PLTP: variants seen among roughly 807,000 people sequenced by gnomAD.
The protein encoded by PLTP is phospholipid transfer protein, also known as BPI fold containing family E.
In PLTP, 43 loss-of-function variants were observed where a neutral mutation model predicts 54.1. That is an observed-to-expected ratio of 0.79 (90% confidence interval 0.62 to 1.02). PLTP has a LOEUF of 1.02. Ranked by LOEUF, PLTP falls within the 50% of genes least tolerant of loss-of-function variation. The pLI, the probability that PLTP is intolerant of heterozygous loss-of-function variation, is 0.00. For missense variants in PLTP, 604 were observed against 645.9 expected (o/e 0.94, Z 0.70); for synonymous variants, 263 against 264.6 (o/e 0.99, Z 0.06).
chr20:45,900,090 G>A (rs1316820394), intron 12 of PLTP, among the ~76,000 whole-genome samples: 1 of 129,746 alleles, frequency 7.7e-6, no homozygotes, highest in Non-Finnish European at 1.6e-5. Flanking sequence ...TTTATTTATT[G>A]AGCACCTCTT....
Position 45,907,981 on chromosome 20 carries a change from A to G in PLTP, c.486-77T>C, listed in dbSNP as rs1349083644. The G allele has an allele frequency of 5.4e-6, 7 of 1,293,874 alleles. No individual in the cohort carries two copies. The African/African-American group carries it at 5.9e-5, about 11-fold the overall frequency. The allele number at this position is 1,293,874 out of a possible 1,614,324, so 80.1% of individuals were successfully genotyped here. On this transcript the variant is annotated intron_variant, in intron 5 of 15. Transcript: ENST00000372431. ...CCAGGTCCAGGAGAAATCAGTGACT[A>G]GGGAAATAGTGGCAGTAGGAGTCCT...
intron 8 of PLTP, among the ~76,000 whole-genome samples, chr20:45,905,754 G>C (rs966380371): frequency 6.6e-6 from 1 of 152,178 alleles, no homozygotes; most frequent in Non-Finnish European, 1.5e-5. Context: ...TCTAGCTCCC[G>C]AGTCTGCACT....
In PLTP at chr20:45,899,573, G is replaced by A. The variant is rs116644260; in HGVS notation, c.1283-35C>T. The A allele has an allele frequency of 3.6e-4, 574 of 1,614,024 alleles. No individual in the cohort carries two copies. The African/African-American group carries it at 5.2e-3, about 15-fold the overall frequency. The stretch of plus-strand genomic sequence containing the variant: ...GGAGCACCCCGCTCAGTCTGGGCCC[G>A]CCCAGTTCACCCCTCCTTTCTTCCT... On this transcript the variant is annotated intron_variant, in intron 14 of 15. Transcript: ENST00000372431.
intron 12 of PLTP, among the ~76,000 whole-genome samples, chr20:45,900,672 C>T (rs900087299): frequency 2.2e-4 from 34 of 152,074 alleles, no homozygotes; most frequent in African/African-American, 7.5e-4. Flanking sequence ...GGACCACAGG[C>T]GTGCATCACT....
At chr20:45,906,176 A>G in intron 8 of PLTP, 92 bp downstream of exon 8, 1 of 847,326 alleles carries the variant, frequency 1.2e-6, no homozygotes, top group Non-Finnish European at 2.0e-6. Context: ...GCCTCATCAG[A>G]GCTGTGCTTT....
chr20:45,903,204 T>G (rs889239321), intron 10 of PLTP, among the ~76,000 whole-genome samples: 8 of 151,670 alleles, frequency 5.3e-5, no homozygotes, highest in African/African-American at 1.9e-4. Context: ...CTTTTTGCTC[T>G]CTCTCTCCTT....
At chr20:45,911,490 T>A in intron 1 of PLTP, 27 bp from the exon 2 acceptor site, 1 of 1,599,368 alleles carries the variant, frequency 6.3e-7, no homozygotes, top group South Asian at 1.1e-5. Flanking sequence ...GTCGCAGGAG[T>A]TATCTGAGCC....
At chr20:45,905,140 CAG>C (rs753243410) in intron 8 of PLTP, 22 bp from the exon 9 acceptor site, 16 of 1,612,250 alleles carry the variant, frequency 9.9e-6, no homozygotes, top group Non-Finnish European at 1.4e-5. Flanking sequence ...CATTCACAGT[CAG>C]GGTCAAGGCA....
Position 45,902,560 on chromosome 20 carries a change from G to A in PLTP, c.987C>T (p.Val329=), listed in dbSNP as rs752967608. The change falls in exon 11 of 16, where the codon GTC becomes GTT. Residue 329 remains valine, a synonymous_variant. Coordinates refer to ENST00000372431, the MANE Select transcript of PLTP (RefSeq NM_006227.4). ...IDSPLKLELR[V]LAPPRCTIKP... ...TGATGGTGCAGCGCGGTGGGGCCAG[G>A]ACCCGCAGCTCCAGCTTCAATGGGG... The A allele has an allele frequency of 1.9e-5, 31 of 1,613,764 alleles. No individual in the cohort carries two copies. In the Admixed American group the frequency reaches 2.5e-4, roughly 13 times the overall value.
intron 3 of PLTP, 55 bp from the exon 4 acceptor site, chr20:45,910,125 C>A (rs2083276957): frequency 1.6e-5 from 25 of 1,605,016 alleles, no homozygotes; most frequent in Non-Finnish European, 2.0e-5. Context: ...CTTCCCCCAA[C>A]GACAGGAAAT....
chr20:45,908,678 T>C (rs986381143), intron 5 of PLTP, among the ~76,000 whole-genome samples: 1 of 152,014 alleles, frequency 6.6e-6, no homozygotes, highest in African/African-American at 2.4e-5. Context: ...GGTGCATGCC[T>C]GTAGTCCCAG....
At chr20:45,899,812 GC>G in intron 13 of PLTP, 23 bp downstream of exon 13, 2 of 309,314 alleles carry the variant, frequency 6.5e-6, no homozygotes, top group Non-Finnish European at 1.2e-5. Context: ...ACCCAGCCCA[GC>G]CCACCCACCC....
intron 7 of PLTP, among the ~76,000 whole-genome samples, chr20:45,906,877 C>T (rs183947086): frequency 1.3e-5 from 1 of 76,548 alleles, no homozygotes; most frequent in African/African-American, 4.1e-5. Flanking sequence ...GGTGACAGAG[C>T]GAGACTCCAT....
At position 45,910,128 on chromosome 20, in the gene PLTP, C is replaced by T. The variant is rs925997838; in HGVS notation, c.201-58G>A. ...AAGAAGAGGGAACTTCCCCCAACGACAGGAAATTTGTCTGCTCCCCTTTCA... is the reference window on the plus strand; with the variant it reads ...AAGAAGAGGGAACTTCCCCCAACGATAGGAAATTTGTCTGCTCCCCTTTCA... On this transcript the variant is annotated intron_variant, in intron 3 of 15. Coordinates refer to ENST00000372431, the MANE Select transcript of PLTP (RefSeq NM_006227.4). 1.2e-5 allele frequency: 19 copies of T among 1,602,158 alleles called. No homozygotes were observed. The Admixed American group carries it at 3.2e-4, about 27-fold the overall frequency.
In PLTP at chr20:45,911,162, T is replaced by G. The variant is rs750855229; in HGVS notation, c.190A>C (p.Asn64His). The G allele has an allele frequency of 5.6e-6, 9 of 1,613,456 alleles. No homozygotes were observed. The highest frequency in any genetic ancestry group is 6.8e-6 in the Non-Finnish European group (8 of 1,179,382). ...CCGCCCCCCACTTACTCAGAGATGT[T>G]GTAGTAGAAGTGGCCTTCTTTGCCC... ...LRGKEGHFYYNISEVKVTELQ... is the reference protein window; with the variant it reads ...LRGKEGHFYYHISEVKVTELQ... The change falls in exon 3 of 16, where the codon AAC (asparagine) becomes CAC (histidine). Residue 64 changes from asparagine to histidine, a missense_variant. By Grantham distance (68) the Asn-to-His change is moderately conservative. Coordinates refer to ENST00000372431, the MANE Select transcript of PLTP (RefSeq NM_006227.4).
At chr20:45,903,125 G>A (rs1412328862) in intron 10 of PLTP, among the ~76,000 whole-genome samples, 4 of 151,984 alleles carry the variant, frequency 2.6e-5, no homozygotes, top group Non-Finnish European at 5.9e-5. Context: ...CTAGTGATTC[G>A]CCCACCTCGG....
rs770527811 is a variant in PLTP at position 45,911,459 on chromosome 20, C to T, written c.-7G>A. On this transcript the variant is annotated 5_prime_UTR_variant, in exon 2 of 16. Transcript: ENST00000372431. ...GGGCCCCGAAGAGGGCCATGGCGAG[C>T]GGGCCTGGGGGTGGGGTGGGGTCGC... The T allele has an allele frequency of 1.6e-5, 25 of 1,602,358 alleles. No individual in the cohort carries two copies. The highest frequency in any genetic ancestry group is 1.7e-5 in the Admixed American group (1 of 59,996).
At chr20:45,899,405 GGGA>G in intron 15 of PLTP, 54 bp downstream of exon 15, 1 of 1,563,346 alleles carries the variant, frequency 6.4e-7, no homozygotes, top group African/African-American at 1.4e-5. Context: ...GAGGGCACTG[GGGA>G]GCTATAGAGA....
rs765988441 is a variant in PLTP at position 45,902,548 on chromosome 20, C to T, written c.999G>A (p.Pro333=). 1.4e-5 allele frequency: 23 copies of T among 1,613,892 alleles called. No individual in the cohort carries two copies. The Admixed American group carries it at 1.7e-4, about 12-fold the overall frequency. ...LKLELRVLAP[P]RCTIKPSGTT... is the part of the protein sequence containing the mutation. ...TGCCAGAGGGCTTGATGGTGCAGCG[C>T]GGTGGGGCCAGGACCCGCAGCTCCA... The change falls in exon 11 of 16, where the codon CCG becomes CCA. Residue 333 remains proline (P), a synonymous_variant. Coordinates refer to ENST00000372431, the MANE Select transcript of PLTP (RefSeq NM_006227.4).
Sources: gnomAD v4.1 joint callset for allele counts (sites outside exome capture counted in the v4.1 genomes callset) on GRCh38, gnomAD v4.1.1 for gene constraint, MANE v1.5 for transcripts, NCBI Gene and HGNC (gene_info 2026-07-23, HGNC 2026-07-21) for gene names.